Variants in FIGN observed in about 807,000 individuals in gnomAD.
FIGN encodes fidgetin.
Under a neutral mutation model 51.3 loss-of-function variants are expected in FIGN, and 11 were observed. The observed-to-expected ratio is 0.21, with a 90% CI of 0.13 to 0.35. The LOEUF (loss-of-function observed/expected upper bound fraction) is 0.35. Ranked by LOEUF, FIGN falls within the 10% of genes least tolerant of loss-of-function variation. FIGN has a pLI of 1.00. For synonymous variants in FIGN, 407 were observed against 363.2 expected (o/e 1.12, Z -1.37); for missense variants, 857 against 943.6 (o/e 0.91, Z 1.20).
chr2:163,661,379 A>G (rs1174408410), intron 2 of FIGN, among the ~76,000 whole-genome samples: 2 of 151,396 alleles, frequency 1.3e-5, no homozygotes. Flanking sequence ...AGCTGGAACT[A>G]CAGGCATGCA....
At chr2:163,660,651 C>A (rs968460702) in intron 2 of FIGN, among the ~76,000 whole-genome samples, 2 of 130,958 alleles carry the variant, frequency 1.5e-5, no homozygotes, top group South Asian at 5.2e-4. Flanking sequence ...AAAAGAGCAA[C>A]AAACTATATA....
At chr2:163,692,351 G>T (rs1443574410) in intron 2 of FIGN, among the ~76,000 whole-genome samples, 1 of 152,162 alleles carries the variant, frequency 6.6e-6, no homozygotes, top group East Asian at 1.9e-4. Flanking sequence ...AGGCTCCTAA[G>T]TAAGGTGTTA....
intron 2 of FIGN, among the ~76,000 whole-genome samples, chr2:163,662,057 G>A (rs1683693858): frequency 6.6e-6 from 1 of 152,158 alleles, no homozygotes; most frequent in South Asian, 2.1e-4. Flanking sequence ...AGTTTGGAAG[G>A]CTTAGAAGAC....
intron 2 of FIGN, among the ~76,000 whole-genome samples, chr2:163,648,085 CA>C (rs1683411119): frequency 1.6e-4 from 24 of 152,028 alleles, no homozygotes; most frequent in Admixed American, 1.6e-3. Flanking sequence ...AAATGATTTG[CA>C]AGGTCAAAGA....
At chr2:163,648,088 G>C (rs1254892360) in intron 2 of FIGN, among the ~76,000 whole-genome samples, 2 of 152,038 alleles carry the variant, frequency 1.3e-5, no homozygotes, top group African/African-American at 4.8e-5. Context: ...TGATTTGCAA[G>C]GTCAAAGAGC....
At chr2:163,682,067 T>A (rs1032832221) in intron 2 of FIGN, among the ~76,000 whole-genome samples, 1 of 152,178 alleles carries the variant, frequency 6.6e-6, no homozygotes, top group Non-Finnish European at 1.5e-5. Context: ...CTCAGAGACC[T>A]CAGGACAAAA....
intron 2 of FIGN, among the ~76,000 whole-genome samples, chr2:163,667,653 C>T (rs1056852655): frequency 5.9e-5 from 9 of 152,172 alleles, no homozygotes; most frequent in Admixed American, 6.5e-5. Context: ...AAATCTTATT[C>T]GTCTTTTAAA....
intron 2 of FIGN, among the ~76,000 whole-genome samples, chr2:163,679,633 C>T (rs1412045419): frequency 1.3e-5 from 2 of 152,150 alleles, no homozygotes; most frequent in African/African-American, 4.8e-5. Context: ...TTTCTTAAGC[C>T]AACATTTCCT....
intron 1 of FIGN, among the ~76,000 whole-genome samples, chr2:163,735,507 AT>A (rs1158594127): frequency 6.6e-6 from 1 of 152,146 alleles, no homozygotes; most frequent in Admixed American, 6.5e-5. Flanking sequence ...CCGCTTTCTT[AT>A]TTTTTTATTT....
rs1479328459 is a variant in FIGN, at chr2:163,608,204, CT to C, written c.*1347del. 1 of 152,558 alleles carries C rather than the reference CT, an allele frequency of 6.6e-6. No individual in the cohort carries two copies. The highest frequency in any genetic ancestry group is 2.4e-5 in the African/African-American group (1 of 41,414). 9.5% of individuals were successfully genotyped at this position (152,558 alleles called of 1,614,324 possible). ...TTTCAAAATGAGAAGCAAAATTGCA[CT>C]GACAAGAGTGGAGTCAAAAAGAAGG... On this transcript the variant is annotated 3_prime_UTR_variant, in exon 3 of 3. Coordinates refer to ENST00000333129, the MANE Select transcript of FIGN (RefSeq NM_018086.4).
At chr2:163,634,051 G>A (rs1683188604) in intron 2 of FIGN, among the ~76,000 whole-genome samples, 1 of 150,928 alleles carries the variant, frequency 6.6e-6, no homozygotes, top group Non-Finnish European at 1.5e-5. Context: ...AGATTTTCAT[G>A]TGCTTTTCAT....
Position 163,666,901 on chromosome 2 carries a change from T to TAA in FIGN, c.26-55097_26-55096dup, listed in dbSNP as rs59881550. On this transcript the variant is annotated intron_variant, in intron 2 of 2. Coordinates refer to ENST00000333129, the MANE Select transcript of FIGN (RefSeq NM_018086.4). ...TTGAGAAGTCTAAAACCAAATTCAC[T>TAA]AAAAAAAAAAAAATTGAGACTCATG... Among the ~76,000 whole-genome samples, 63 of 145,296 alleles carry TAA rather than the reference T, an allele frequency of 4.3e-4. No individual in the cohort carries two copies. In the East Asian group the frequency reaches 5.4e-3, roughly 12 times the overall value.
chr2:163,648,817 T>C (rs1452401960), intron 2 of FIGN, among the ~76,000 whole-genome samples: 1 of 152,238 alleles, frequency 6.6e-6, no homozygotes, highest in African/African-American at 2.4e-5. Flanking sequence ...CCATTCTTTT[T>C]ACTCCAGTAA....
chr2:163,639,288 T>C (rs1683271946), intron 2 of FIGN, among the ~76,000 whole-genome samples: 2 of 152,166 alleles, frequency 1.3e-5, no homozygotes, highest in South Asian at 2.1e-4. Flanking sequence ...ACACAGCACA[T>C]TTATTTAATC....
intron 2 of FIGN, among the ~76,000 whole-genome samples, chr2:163,648,533 G>A (rs1683418841): frequency 6.6e-6 from 1 of 152,174 alleles, no homozygotes. Context: ...GCCTGTGTCT[G>A]TAAACCCCTT....
intron 2 of FIGN, among the ~76,000 whole-genome samples, chr2:163,625,188 T>G (rs894073610): frequency 1.3e-5 from 2 of 151,970 alleles, no homozygotes; most frequent in African/African-American, 4.8e-5. Flanking sequence ...TCAGTATTCC[T>G]ATACTTCAGA....
At chr2:163,733,586 T>C (rs2105370808) in intron 2 of FIGN, among the ~76,000 whole-genome samples, 1 of 152,354 alleles carries the variant, frequency 6.6e-6, no homozygotes, top group East Asian at 1.9e-4. Flanking sequence ...CTCTCCTCCT[T>C]AAAACATTTC....
Position 163,610,077 on chromosome 2 carries a change from A to T in FIGN, c.1755T>A (p.Ser585Arg). The change falls in exon 3 of 3, where the codon AGT becomes AGA. Residue 585 changes from serine (S) to arginine (R), a missense_variant. This residue lies in a region of FIGN where 799 missense variants were observed against 849.5 expected (regional missense o/e 0.94). Coordinates refer to ENST00000333129, the MANE Select transcript of FIGN (RefSeq NM_018086.4). ...RCRQPSVIFV[S>R]DIDMLLSSQV... ...GAGAGGAGAGAAGCATGTCAATGTC[A>T]CTAACAAAAATCACCGAGGGCTGGC... 1 of 1,613,936 alleles carries T rather than the reference A, an allele frequency of 6.2e-7. No homozygotes were observed. The highest frequency in any genetic ancestry group is 8.5e-7 in the Non-Finnish European group (1 of 1,179,866).
At chr2:163,637,787 G>A (rs1041503211) in intron 2 of FIGN, among the ~76,000 whole-genome samples, 2 of 151,894 alleles carry the variant, frequency 1.3e-5, no homozygotes, top group Non-Finnish European at 2.9e-5. Context: ...TGCTATGTAA[G>A]TAACTCTACA....
Sources: gnomAD v4.1 joint callset for allele counts (sites outside exome capture counted in the v4.1 genomes callset) on GRCh38, gnomAD v4.1.1 for gene constraint, gnomAD v4.1.1 regional missense constraint, MANE v1.5 for transcripts, NCBI Gene and HGNC (gene_info 2026-07-23, HGNC 2026-07-21) for gene names.